Variants in TMC1 observed in about 807,000 individuals in gnomAD.
The protein encoded by TMC1 is transmembrane channel-like protein 1.
TMC1 carries 84 observed loss-of-function variants against 105.8 expected under a neutral mutation model. That is an observed-to-expected ratio of 0.79 (90% CI 0.67 to 0.95). The LOEUF (loss-of-function observed/expected upper bound fraction) is 0.95, where lower values mean the gene tolerates loss of function less well. TMC1 is among the 40% of genes least tolerant of loss of function. TMC1 has a pLI of 0.00. For synonymous variants in TMC1, 315 were observed against 311.5 expected (o/e 1.01, Z -0.12); for missense variants, 817 against 914.1 (o/e 0.89, Z 1.37).
intron 4 of TMC1, among the ~76,000 whole-genome samples, chr9:72,632,729 G>A (rs35969560): frequency 0.051 from 7,774 of 152,050 alleles, 241 homozygotes; most frequent in Non-Finnish European, 0.062. Flanking sequence ...AAAAAAAAAT[G>A]CTGCAATAAC....
chr9:72,689,597 T>C (rs886582581), intron 6 of TMC1, among the ~76,000 whole-genome samples: 2 of 152,120 alleles, frequency 1.3e-5, no homozygotes, highest in Non-Finnish European at 2.9e-5. Flanking sequence ...TTGAGTTTGG[T>C]TAATGTTTAT....
At position 72,756,403 on chromosome 9, in the gene TMC1, T is replaced by C. The variant is rs147071262; in HGVS notation, c.741+1519T>C. Among the ~76,000 whole-genome samples, 1,196 of 152,324 alleles carry C rather than the reference T, an allele frequency of 7.9e-3. 17 individuals are homozygous for C. The highest frequency in any genetic ancestry group is 0.027 in the African/African-American group (1,138 of 41,568). On this transcript the variant is annotated intron_variant, in intron 12 of 23. Transcript: ENST00000297784. Reference sequence around the variant, plus strand: ...GCGGGTCTGGGTTTTACAGAAGAGATGGCCTCTGAGTTGGATTTTACCTCT... The same window carrying C: ...GCGGGTCTGGGTTTTACAGAAGAGACGGCCTCTGAGTTGGATTTTACCTCT...
chr9:72,558,553 A>G (rs960117870), intron 1 of TMC1, among the ~76,000 whole-genome samples: 5 of 152,208 alleles, frequency 3.3e-5, no homozygotes, highest in African/African-American at 1.2e-4. Flanking sequence ...CTCATGCAGC[A>G]TAATAGAATT....
chr9:72,746,781 G>T (rs528158161), intron 10 of TMC1, among the ~76,000 whole-genome samples: 1 of 152,246 alleles, frequency 6.6e-6, no homozygotes, highest in South Asian at 2.1e-4. Flanking sequence ...TTAAAAAATA[G>T]ATTTGATAAT....
chr9:72,802,633 A>C (rs971031057), intron 17 of TMC1, among the ~76,000 whole-genome samples: 3 of 152,190 alleles, frequency 2.0e-5, no homozygotes, highest in Admixed American at 2.0e-4. Flanking sequence ...GTTCCTTGAA[A>C]CTAATGAGAA....
intron 13 of TMC1, among the ~76,000 whole-genome samples, chr9:72,786,769 A>C (rs1828174307): frequency 6.6e-6 from 1 of 151,904 alleles, no homozygotes; most frequent in Admixed American, 6.6e-5. Context: ...ACCCTTTCCC[A>C]CATGTTAGAT....
intron 6 of TMC1, among the ~76,000 whole-genome samples, chr9:72,690,099 C>G (rs1435541966): frequency 1.3e-5 from 2 of 151,782 alleles, no homozygotes; most frequent in Non-Finnish European, 2.9e-5. Context: ...ATTCCTTTCT[C>G]TTTTCTTTTG....
At chr9:72,760,913 A>G (rs1267171576) in intron 12 of TMC1, among the ~76,000 whole-genome samples, 1 of 152,162 alleles carries the variant, frequency 6.6e-6, no homozygotes, top group Non-Finnish European at 1.5e-5. Flanking sequence ...TGTGACTTAG[A>G]TGTATATATC....
intron 2 of TMC1, among the ~76,000 whole-genome samples, chr9:72,597,138 A>C (rs1587979811): frequency 6.6e-6 from 1 of 152,398 alleles, no homozygotes; most frequent in African/African-American, 2.4e-5. Flanking sequence ...ATTCCTAATA[A>C]GAAAAGTTTT....
chr9:72,753,271 T>A (rs995561159), intron 11 of TMC1, among the ~76,000 whole-genome samples: 1 of 140,780 alleles, frequency 7.1e-6, no homozygotes, highest in Admixed American at 7.1e-5. Flanking sequence ...TTTATCTATT[T>A]CAAATTAACC....
intron 8 of TMC1, among the ~76,000 whole-genome samples, chr9:72,719,891 T>C (rs187175801): frequency 1.3e-5 from 2 of 152,332 alleles, no homozygotes; most frequent in Admixed American, 1.3e-4. Flanking sequence ...AAAGGTAACA[T>C]TGACATCCCA....
rs77477610 is a variant in TMC1, at chr9:72,740,091, A to G, written c.363-28A>G. 2,814 of 1,570,942 alleles carry G rather than the reference A, an allele frequency of 1.8e-3. 38 individuals are homozygous for G. In the African/African-American group the frequency reaches 0.034, roughly 19 times the overall value. On this transcript the variant is annotated intron_variant, in intron 8 of 23. Transcript: ENST00000297784. The stretch of plus-strand genomic sequence containing the variant: ...TAGTCATTGCAACTCACCTCCTTTT[A>G]TCCCTTATGTTATTTTTATTTTCTC...
At chr9:72,530,032 C>T (rs956316887) in intron 1 of TMC1, among the ~76,000 whole-genome samples, 1 of 152,134 alleles carries the variant, frequency 6.6e-6, no homozygotes, top group African/African-American at 2.4e-5. Flanking sequence ...AGAATTTCTA[C>T]ATGATCATGT....
intron 1 of TMC1, among the ~76,000 whole-genome samples, chr9:72,549,296 T>C (rs1325309851): frequency 1.3e-5 from 2 of 152,286 alleles, no homozygotes; most frequent in East Asian, 1.9e-4. Flanking sequence ...GGAGTTTCAC[T>C]ATGTTGCCCA....
chr9:72,751,077 A>G (rs1190397222), intron 10 of TMC1, among the ~76,000 whole-genome samples: 4 of 152,246 alleles, frequency 2.6e-5, no homozygotes, highest in Admixed American at 2.6e-4. Context: ...AGGACCTGCT[A>G]TTATCTCTAT....
At chr9:72,659,436 A>ACC (rs1825935120) in intron 5 of TMC1, among the ~76,000 whole-genome samples, 4 of 152,172 alleles carry the variant, frequency 2.6e-5, no homozygotes, top group Admixed American at 6.5e-5. Context: ...GGATATCAAG[A>ACC]CCAGCCTGGC....
At chr9:72,550,080 A>G (rs1318481089) in intron 1 of TMC1, among the ~76,000 whole-genome samples, 1 of 152,040 alleles carries the variant, frequency 6.6e-6, no homozygotes, top group Non-Finnish European at 1.5e-5. Flanking sequence ...TAGAATATCA[A>G]CCTGAATTCA....
At chr9:72,597,210 C>T (rs1824734975) in intron 2 of TMC1, among the ~76,000 whole-genome samples, 1 of 152,198 alleles carries the variant, frequency 6.6e-6, no homozygotes, top group Non-Finnish European at 1.5e-5. Context: ...TGCAATGGTG[C>T]AAAGTCCTAG....
At position 72,652,946 on chromosome 9, in the gene TMC1, A is replaced by G. The variant is rs546393654; in HGVS notation, c.16+4282A>G. Among the ~76,000 whole-genome samples, 19 of 152,340 alleles carry G rather than the reference A, an allele frequency of 1.2e-4. No individual in the cohort carries two copies. In the South Asian group the frequency reaches 1.9e-3, roughly 15 times the overall value. On this transcript the variant is annotated intron_variant, in intron 5 of 23. Coordinates refer to ENST00000297784, the MANE Select transcript of TMC1 (RefSeq NM_138691.3). Reference sequence around the variant, plus strand: ...TATAAAATTTTTTTCAACAATACAAAGATAAGCCTTGTACAAATTCTTCAA... The same window carrying G: ...TATAAAATTTTTTTCAACAATACAAGGATAAGCCTTGTACAAATTCTTCAA...
Sources: allele counts gnomAD v4.1 joint callset (sites outside exome capture counted in the v4.1 genomes callset), GRCh38; gene constraint gnomAD v4.1.1; transcripts MANE v1.5; gene names NCBI Gene and HGNC (gene_info 2026-07-23, HGNC 2026-07-21).